Variants in ELP4 observed in about 807,000 individuals in gnomAD.
ELP4 encodes the protein elongator complex protein 4.
In ELP4, 51 loss-of-function variants were observed where a neutral mutation model predicts 48.9. That is an observed-to-expected ratio of 1.04 (90% CI 0.83 to 1.32). The LOEUF is 1.32. Among genes scored for constraint, ELP4 ranks in the 40% most tolerant of loss-of-function variants. The pLI is 0.00. For missense variants in ELP4, 519 were observed against 514.6 expected (o/e 1.01, Z -0.08); for synonymous variants, 210 against 189.2 (o/e 1.11, Z -0.90).
chr11:31,568,299 A>G (rs189756680), intron 3 of ELP4, among the ~76,000 whole-genome samples: 153 of 152,312 alleles, frequency 1.0e-3, no homozygotes, highest in African/African-American at 3.6e-3. Context: ...AGATGACACA[A>G]ATGAAAAAGT....
chr11:31,577,360 A>T (rs1189741146), intron 3 of ELP4, among the ~76,000 whole-genome samples: 1 of 145,370 alleles, frequency 6.9e-6, no homozygotes, highest in African/African-American at 2.5e-5. Flanking sequence ...AGAGGTACAA[A>T]GAGGAGCTGG....
At chr11:31,516,719 T>C (rs1311857735) in intron 1 of ELP4, among the ~76,000 whole-genome samples, 1 of 152,170 alleles carries the variant, frequency 6.6e-6, no homozygotes, top group African/African-American at 2.4e-5. Context: ...CTCAAACTCT[T>C]GAGCTGAAGT....
intron 9 of ELP4, among the ~76,000 whole-genome samples, chr11:31,704,227 TAAA>T (rs200358643): frequency 7.0e-6 from 1 of 142,204 alleles, no homozygotes. Flanking sequence ...TCTCAGCAAC[TAAA>T]AAAAAAAAAA....
intron 2 of ELP4, among the ~76,000 whole-genome samples, chr11:31,538,309 C>A (rs1257290615): frequency 6.8e-6 from 1 of 147,894 alleles, no homozygotes; most frequent in Non-Finnish European, 1.5e-5. Context: ...CTATATATTA[C>A]AGTAATGACA....
rs367661158 is a variant in ELP4, at chr11:31,638,479, A to T, written c.927+6074A>T. 2.6e-5 allele frequency among the ~76,000 whole-genome samples: 4 copies of T among 151,938 alleles called. No individual in the cohort carries two copies. In the East Asian group the frequency reaches 7.8e-4, roughly 29 times the overall value. ...AATTTGATCTGTAGAATTTTTTCCC[A>T]GCTATCTCATTGAAGAAAACTATTA... On this transcript the variant is annotated intron_variant, in intron 7 of 9. Coordinates refer to ENST00000640961, the MANE Select transcript of ELP4 (RefSeq NM_019040.5).
At chr11:31,520,116 T>C (rs1162912011) in intron 2 of ELP4, 25 bp downstream of exon 2, 1 of 1,596,538 alleles carries the variant, frequency 6.3e-7, no homozygotes, top group Admixed American at 1.7e-5. Context: ...CATGCTTTGC[T>C]CTCCTCTATC....
rs1407593940 is a variant in ELP4, at chr11:31,684,458, C to T, written c.1143+34237C>T. Among the ~76,000 whole-genome samples the T allele has an allele frequency of 2.0e-5, 3 of 152,118 alleles. No homozygotes were observed. The East Asian group carries it at 5.8e-4, about 29-fold the overall frequency. On this transcript the variant is annotated intron_variant, in intron 9 of 9. Coordinates refer to ENST00000640961, the MANE Select transcript of ELP4 (RefSeq NM_019040.5). Reference sequence around the variant, plus strand: ...CTGACCTCAAGTGATGCACTTATCTCGGCCTCCCAAAGTGCTGGGATTAAA... The same window carrying T: ...CTGACCTCAAGTGATGCACTTATCTTGGCCTCCCAAAGTGCTGGGATTAAA...
At chr11:31,654,070 TTATC>T (rs1945378528) in intron 9 of ELP4, 1 of 151,636 alleles carries the variant, frequency 6.6e-6, no homozygotes, top group African/African-American at 2.4e-5. Flanking sequence ...AGTCATAAAA[TTATC>T]TAATATAAAT....
chr11:31,716,225 A>T (rs1191386886), intron 9 of ELP4, among the ~76,000 whole-genome samples: 1 of 151,990 alleles, frequency 6.6e-6, no homozygotes, highest in East Asian at 1.9e-4. Flanking sequence ...GTTGCCCAGG[A>T]TGGTGTCAAA....
chr11:31,648,021 A>G (rs1006881183), intron 8 of ELP4, 172 bp downstream of exon 8: 3 of 511,212 alleles, frequency 5.9e-6, no homozygotes, highest in African/African-American at 5.8e-5. Flanking sequence ...ACCCAACTAC[A>G]TTAAGACTAT....
intron 3 of ELP4, among the ~76,000 whole-genome samples, chr11:31,591,121 A>G (rs1179894303): frequency 6.6e-6 from 1 of 152,178 alleles, no homozygotes; most frequent in East Asian, 1.9e-4. Context: ...TAAAAATGGG[A>G]TAAGGGCCAG....
At chr11:31,719,352 G>A (rs1946908608) in intron 9 of ELP4, 3 of 393,774 alleles carry the variant, frequency 7.6e-6, no homozygotes, top group African/African-American at 6.2e-5. Context: ...GGCATACAGT[G>A]GCAGAGTTTT....
chr11:31,549,777 C>A (rs1592107455), intron 3 of ELP4, among the ~76,000 whole-genome samples: 1 of 152,296 alleles, frequency 6.6e-6, no homozygotes, highest in Non-Finnish European at 1.5e-5. Context: ...GAAAATGTGG[C>A]ACATATACAC....
intron 3 of ELP4, among the ~76,000 whole-genome samples, chr11:31,553,625 G>A (rs767255487): frequency 2.0e-5 from 3 of 151,796 alleles, no homozygotes; most frequent in Admixed American, 6.6e-5. Context: ...TTAACTGTCC[G>A]AGGTCTCCAG....
chr11:31,664,219 G>A (rs1312075953), intron 9 of ELP4: 1 of 152,156 alleles, frequency 6.6e-6, no homozygotes, highest in East Asian at 1.9e-4. Context: ...TTTGTTGTCA[G>A]AGTAGTTCCC....
At chr11:31,746,753 G>T (rs1039754242) in intron 9 of ELP4, among the ~76,000 whole-genome samples, 1 of 152,086 alleles carries the variant, frequency 6.6e-6, no homozygotes, top group African/African-American at 2.4e-5. Context: ...TCGGTGGAGG[G>T]GGGAGGGATA....
intron 9 of ELP4, among the ~76,000 whole-genome samples, chr11:31,759,615 A>T (rs971577069): frequency 1.2e-4 from 18 of 152,188 alleles, no homozygotes. Flanking sequence ...CTTACTTTTT[A>T]TTAAGGCTTA....
intron 3 of ELP4, among the ~76,000 whole-genome samples, chr11:31,577,878 C>A (rs934546764): frequency 6.6e-6 from 1 of 152,178 alleles, no homozygotes; most frequent in African/African-American, 2.4e-5. Context: ...CCTTTGAAAA[C>A]TGGCACAAGA....
chr11:31,665,583 T>TTTGA (rs1945654578), intron 9 of ELP4, among the ~76,000 whole-genome samples: 1 of 151,900 alleles, frequency 6.6e-6, no homozygotes, highest in Admixed American at 6.6e-5. Context: ...CCTATTAGTA[T>TTTGA]TTGACTCTTG....
Sources: allele counts gnomAD v4.1 joint callset (sites outside exome capture counted in the v4.1 genomes callset), GRCh38; gene constraint gnomAD v4.1.1; transcripts MANE v1.5; gene names NCBI Gene and HGNC (gene_info 2026-07-23, HGNC 2026-07-21).